The following HERC1 variants were observed in gnomAD, a reference collection of about 807,000 sequenced individuals.
The protein encoded by HERC1 is probable E3 ubiquitin-protein ligase HERC1.
In HERC1, 160 loss-of-function variants were observed where a neutral mutation model predicts 554.3. The observed-to-expected ratio is 0.29, with a 90% CI of 0.25 to 0.33. The LOEUF is 0.33. Among genes scored for constraint, HERC1 ranks in the 10% least tolerant of loss-of-function variants. The pLI is 1.00. For missense variants in HERC1, 4,919 were observed against 5,918.5 expected, an observed-to-expected ratio of 0.83 and a Z score of 5.54; for synonymous variants, 2,175 against 2,131.7, an observed-to-expected ratio of 1.02 and a Z score of -0.56.
chr15:63,618,774 G>A (rs1460343985), intron 74 of HERC1, among the ~76,000 whole-genome samples: 1 of 152,224 alleles, frequency 6.6e-6, no homozygotes, highest in African/African-American at 2.4e-5. Flanking sequence ...GTGAATGGAA[G>A]TTCACTCATG....
At chr15:63,789,420 A>G (rs1359228003) in intron 1 of HERC1, among the ~76,000 whole-genome samples, 1 of 152,084 alleles carries the variant, frequency 6.6e-6, no homozygotes, top group Non-Finnish European at 1.5e-5. Context: ...TTAAAATTAT[A>G]TATCACAAAA....
intron 73 of HERC1, 46 bp from the exon 74 acceptor site, chr15:63,622,937 C>A (rs757634346): frequency 2.4e-6 from 3 of 1,225,110 alleles, no homozygotes; most frequent in Non-Finnish European, 3.5e-6. Context: ...CAATCAAATG[C>A]ATGAAGAGAA....
Position 63,713,152 on chromosome 15 carries a change from C to T in HERC1, c.4463+201G>A, listed in dbSNP as rs184826105. On this transcript the variant is annotated intron_variant, in intron 23 of 77. Transcript: ENST00000443617. ...ATATATACGAAAAATTGTGCCTCCTCATTTAATCAGAAATTTATAGCCCAT... is the reference window on the plus strand; with the variant it reads ...ATATATACGAAAAATTGTGCCTCCTTATTTAATCAGAAATTTATAGCCCAT... Among the ~76,000 whole-genome samples, 6 of 152,356 alleles carry T rather than the reference C, an allele frequency of 3.9e-5. No homozygotes were observed. The East Asian group carries it at 1.2e-3, about 29-fold the overall frequency.
At chr15:63,672,820 C>A in intron 38 of HERC1, 126 bp from the exon 39 acceptor site, 1 of 660,454 alleles carries the variant, frequency 1.5e-6, no homozygotes, top group Non-Finnish European at 2.5e-6. Context: ...GCATCAATTT[C>A]TATGAAAGAT....
intron 12 of HERC1, among the ~76,000 whole-genome samples, chr15:63,738,793 A>G (rs2074659529): frequency 6.6e-6 from 1 of 152,210 alleles, no homozygotes; most frequent in Non-Finnish European, 1.5e-5. Context: ...AAAGAATAAA[A>G]AGATAACCCA....
chr15:63,712,178 G>C (rs1296314391), intron 24 of HERC1, among the ~76,000 whole-genome samples: 1 of 152,198 alleles, frequency 6.6e-6, no homozygotes, highest in East Asian at 1.9e-4. Flanking sequence ...TGTTAGTCTT[G>C]TGAAATGTGG....
intron 8 of HERC1, among the ~76,000 whole-genome samples, chr15:63,750,696 C>T (rs937097067): frequency 2.6e-5 from 4 of 152,168 alleles, no homozygotes; most frequent in Non-Finnish European, 5.9e-5. Context: ...CGTTGGGAGG[C>T]TATGGCAGGA....
rs969308142 is a variant in HERC1, at chr15:63,775,624, G to A, written c.-1C>T. 5 of 1,587,262 alleles carry A rather than the reference G, an allele frequency of 3.2e-6. No individual in the cohort carries two copies. The African/African-American group carries it at 6.7e-5, about 21-fold the overall frequency. ...TCACTGGTGGAATCATAGTTGCCATGTTGATTTATCCTTCAGCCATTAGTC... is the reference window on the plus strand; with the variant it reads ...TCACTGGTGGAATCATAGTTGCCATATTGATTTATCCTTCAGCCATTAGTC... On this transcript the variant is annotated 5_prime_UTR_variant, in exon 2 of 78. Coordinates refer to ENST00000443617, the MANE Select transcript of HERC1 (RefSeq NM_003922.4). This position sits in a 1 kb window ranked among gnomAD's most constrained non-coding sequence, Gnocchi z 4.0.
intron 27 of HERC1, among the ~76,000 whole-genome samples, chr15:63,695,599 G>A (rs1015101070): frequency 3.3e-5 from 5 of 151,902 alleles, no homozygotes; most frequent in African/African-American, 7.3e-5. Flanking sequence ...TGTTGGCCAG[G>A]CTGGTCTTGA....
In HERC1 at chr15:63,636,012, C is replaced by T. The variant is rs369686177; in HGVS notation, c.12363G>A (p.Arg4121=). The T allele has an allele frequency of 1.5e-5, 25 of 1,613,838 alleles. No homozygotes were observed. Among genetic ancestry groups the T allele is most frequent in the Non-Finnish European group, 2.0e-5 (24 of 1,179,892 alleles). ...YGKLGHGNSD[R]QRRPRQIEAL... is the part of the protein sequence containing the mutation. ...CCTCGATCTGCCTGGGCCGCCGCTG[C>T]CTGTCGCTGTTCCCATGGCCAAGTT... The change falls in exon 65 of 78, where the codon AGG becomes AGA. Residue 4121 remains arginine, a synonymous_variant. Coordinates refer to ENST00000443617, the MANE Select transcript of HERC1 (RefSeq NM_003922.4).
At chr15:63,754,064 C>T (rs963511525) in intron 7 of HERC1, among the ~76,000 whole-genome samples, 1 of 151,742 alleles carries the variant, frequency 6.6e-6, no homozygotes, top group African/African-American at 2.4e-5. Context: ...GTCCCAGCTA[C>T]TTGGGGGGCT....
intron 59 of HERC1, among the ~76,000 whole-genome samples, chr15:63,642,716 AT>A: frequency 1.3e-5 from 2 of 152,180 alleles, no homozygotes; most frequent in Non-Finnish European, 2.9e-5. Context: ...TGGAAATGAA[AT>A]TGTTCAATAT....
chr15:63,615,324 A>T (rs2067768468), intron 76 of HERC1, among the ~76,000 whole-genome samples: 1 of 152,166 alleles, frequency 6.6e-6, no homozygotes, highest in South Asian at 2.1e-4. Flanking sequence ...AATACAAAGG[A>T]ATCACCAAGT....
chr15:63,612,616 GC>G lies in HERC1; in HGVS notation c.14095-61del, dbSNP rs1189955007. 20 of 1,530,430 alleles carry G rather than the reference GC, an allele frequency of 1.3e-5. No individual in the cohort carries two copies. The African/African-American group carries it at 1.6e-4, about 12-fold the overall frequency. 94.8% of individuals were successfully genotyped at this position (1,530,430 alleles called of 1,614,324 possible). On this transcript the variant is annotated intron_variant, in intron 76 of 77. Coordinates refer to ENST00000443617, the MANE Select transcript of HERC1 (RefSeq NM_003922.4). This position sits in a 1 kb window ranked among gnomAD's most constrained non-coding sequence, Gnocchi z 5.0. ...TGCGTGAACCTGGCACCCACCAAGG[GC>G]CCTGTGGGGCTAGGCGCCTCCTGAT...
chr15:63,706,829 A>G lies in HERC1; in HGVS notation c.4587T>C (p.Ser1529=). Residue 1529 remains serine, a splice_region_variant and synonymous_variant, in exon 25 of 78, where the codon AGT becomes AGC. Transcript: ENST00000443617. ...PESDEEGYAL[S]GRRNVDLDLA... Reference sequence around the variant, plus strand: ...AATCCAAATCAACATTTCGTCTGCCACTCTATTAAAAGTAAAAAGTAAATA... The same window carrying G: ...AATCCAAATCAACATTTCGTCTGCCGCTCTATTAAAAGTAAAAAGTAAATA... 1 of 1,534,264 alleles carries G rather than the reference A, an allele frequency of 6.5e-7. No individual in the cohort carries two copies. Among genetic ancestry groups the G allele is most frequent in the Non-Finnish European group, 8.8e-7 (1 of 1,133,882 alleles).
At position 63,790,181 on chromosome 15, in the gene HERC1, C is replaced by A. The variant is rs1417116035; in HGVS notation, c.-26-14532G>T. On this transcript the variant is annotated intron_variant, in intron 1 of 77. Coordinates refer to ENST00000443617, the MANE Select transcript of HERC1 (RefSeq NM_003922.4). The stretch of plus-strand genomic sequence containing the variant: ...AAGTTCTTGGACTCATCTCCTGGAA[C>A]TCAGTACATACTCAATAAACGTAAG... Among the ~76,000 whole-genome samples, 5 of 152,272 alleles carry A rather than the reference C, an allele frequency of 3.3e-5. No individual in the cohort carries two copies. The East Asian group carries it at 7.7e-4, about 23-fold the overall frequency.
At position 63,833,884 on chromosome 15, in the gene HERC1, A is replaced by C. The variant is rs1359294847; in HGVS notation, c.-84T>G. ...TCCGGCGACCCGAGCCCGGCTCCGC[A>C]GAGGCTGCGGCGGTCGCGTCCTTTA... On this transcript the variant is annotated 5_prime_UTR_variant, in exon 1 of 78. Coordinates refer to ENST00000443617, the MANE Select transcript of HERC1 (RefSeq NM_003922.4). 6.5e-6 allele frequency: 1 copy of C among 152,724 alleles called. No individual in the cohort carries two copies. The highest frequency in any genetic ancestry group is 2.0e-4 in the South Asian group (1 of 5,008). The allele number at this position is 152,724 out of a possible 1,614,324, so 9.5% of individuals were successfully genotyped here. A position where few individuals can be genotyped will look rare whatever the true frequency, so the allele number is the denominator to read the frequency against.
chr15:63,722,333 C>T (rs1030086248), intron 19 of HERC1, among the ~76,000 whole-genome samples: 1 of 152,164 alleles, frequency 6.6e-6, no homozygotes, highest in East Asian at 1.9e-4. Flanking sequence ...ACACCTATAG[C>T]TTAGACTTCT....
chr15:63,698,216 G>A (rs1417998875), intron 26 of HERC1, among the ~76,000 whole-genome samples: 1 of 152,054 alleles, frequency 6.6e-6, no homozygotes, highest in East Asian at 1.9e-4. Flanking sequence ...AGAAGCTCGA[G>A]ACCAGCCTGG....
Sources: allele counts gnomAD v4.1 joint callset (sites outside exome capture counted in the v4.1 genomes callset), GRCh38; gene constraint gnomAD v4.1.1; non-coding constraint Gnocchi (gnomAD v3.1); transcripts MANE v1.5; gene names NCBI Gene and HGNC (gene_info 2026-07-23, HGNC 2026-07-21).